Variants in MAP3K1 observed in about 807,000 individuals in gnomAD.
MAP3K1 encodes MAP/ERK kinase kinase 1.
A neutral mutation model predicts 144.2 loss-of-function variants in MAP3K1; 36 were observed. That is an observed-to-expected ratio of 0.25 (90% CI 0.19 to 0.33). The LOEUF (loss-of-function observed/expected upper bound fraction) is 0.33, where lower values mean the gene tolerates loss of function less well. Ranked by LOEUF, MAP3K1 falls within the 10% of genes least tolerant of loss-of-function variation. The pLI, the probability that MAP3K1 is intolerant of heterozygous loss-of-function variation, is 1.00. For missense variants in MAP3K1, 1,650 were observed against 1,881.9 expected, an observed-to-expected ratio of 0.88 and a Z score of 2.28; for synonymous variants, 718 against 688.7, an observed-to-expected ratio of 1.04 and a Z score of -0.67.
rs555821789 is a variant in MAP3K1, at chr5:56,862,437, A to G, written c.835-2297A>G. Among the ~76,000 whole-genome samples the G allele has an allele frequency of 4.6e-5, 7 of 152,326 alleles. No homozygotes were observed. The South Asian group carries it at 1.5e-3, about 32-fold the overall frequency. ...ATGGTTCATGGGGGCCATCAAAATG[A>G]AAGTTTACAACAAGTATAAACAGAA... On this transcript the variant is annotated intron_variant, in intron 3 of 19. Coordinates refer to ENST00000399503, the MANE Select transcript of MAP3K1 (RefSeq NM_005921.2).
intron 1 of MAP3K1, among the ~76,000 whole-genome samples, chr5:56,833,942 G>A (rs544049263): frequency 7.2e-5 from 11 of 152,096 alleles, no homozygotes; most frequent in Admixed American, 2.0e-4. Context: ...TGTTCAGCAG[G>A]CACCTTCTTT....
chr5:56,832,299 A>G (rs761648035), intron 1 of MAP3K1, among the ~76,000 whole-genome samples: 10 of 152,190 alleles, frequency 6.6e-5, no homozygotes, highest in Admixed American at 2.6e-4. Context: ...AGTGGCAAGC[A>G]AAGGGGGTTC....
In MAP3K1 at chr5:56,884,690, T is replaced by C. The variant is rs375842337; in HGVS notation, c.3846T>C (p.Ser1282=). 1.8e-5 allele frequency: 29 copies of C among 1,613,734 alleles called. No individual in the cohort carries two copies. The highest frequency in any genetic ancestry group is 2.4e-5 in the Non-Finnish European group (28 of 1,179,900). Residue 1282 remains serine (S), a synonymous_variant, in exon 16 of 20, where the codon TCT becomes TCC. Transcript: ENST00000399503. ...KQVTYVRNTS[S]EQEEVVEALR... ...TGACTTATGTCAGAAACACATCTTCTGAGCAAGAAGAAGTAGTAGAAGCAC... is the reference window on the plus strand; with the variant it reads ...TGACTTATGTCAGAAACACATCTTCCGAGCAAGAAGAAGTAGTAGAAGCAC...
In MAP3K1 at chr5:56,863,065, A is replaced by G. The variant is rs113330706; in HGVS notation, c.835-1669A>G. ...CCAATCACAAACAGCCAGCCAGCCT[A>G]TTTGTTATATAACTAGGGACTTTGC... On this transcript the variant is annotated intron_variant, in intron 3 of 19. Transcript: ENST00000399503. Among the ~76,000 whole-genome samples, 882 of 152,314 alleles carry G rather than the reference A, an allele frequency of 5.8e-3. 6 individuals are homozygous for G. The highest frequency in any genetic ancestry group is 0.011 in the Non-Finnish European group (728 of 68,010).
Position 56,859,422 on chromosome 5 carries a change from T to C in MAP3K1, c.634-293T>C, listed in dbSNP as rs189578419. ...CTTTTGAGTGTTAAATGAGTTAGGG[T>C]ATATAATAACAAATAATACCATTTC... On this transcript the variant is annotated intron_variant, in intron 2 of 19. Transcript: ENST00000399503. 4.6e-4 allele frequency among the ~76,000 whole-genome samples: 70 copies of C among 152,274 alleles called. 1 individual carries two copies. In the South Asian group the frequency reaches 7.7e-3, roughly 17 times the overall value.
At chr5:56,840,139 G>T (rs762030440) in intron 1 of MAP3K1, among the ~76,000 whole-genome samples, 7 of 151,980 alleles carry the variant, frequency 4.6e-5, no homozygotes, top group African/African-American at 1.7e-4. Flanking sequence ...TAAGCGTTTT[G>T]TTTGTTTGTT....
chr5:56,858,848 G>C (rs761302031), intron 2 of MAP3K1, among the ~76,000 whole-genome samples: 2 of 152,052 alleles, frequency 1.3e-5, no homozygotes, highest in Admixed American at 6.6e-5. Context: ...AAGGTGTACT[G>C]CCTGGGGTGC....
At chr5:56,846,657 C>T (rs1010344098) in intron 1 of MAP3K1, among the ~76,000 whole-genome samples, 1 of 152,116 alleles carries the variant, frequency 6.6e-6, no homozygotes, top group African/African-American at 2.4e-5. Flanking sequence ...TCTCCATGTC[C>T]CCCTCTCCGA....
chr5:56,828,147 G>T (rs1434415278), intron 1 of MAP3K1, among the ~76,000 whole-genome samples: 2 of 152,190 alleles, frequency 1.3e-5, no homozygotes, highest in African/African-American at 4.8e-5. Flanking sequence ...GGTTAGCAAA[G>T]GCGGTTTGTG....
intron 1 of MAP3K1, among the ~76,000 whole-genome samples, chr5:56,821,002 G>A (rs1381107118): frequency 2.6e-5 from 4 of 152,166 alleles, no homozygotes; most frequent in Admixed American, 1.3e-4. Flanking sequence ...AAGGAGATAC[G>A]GGGAGCAAGA....
At chr5:56,884,864 G>A (rs1451716257) in intron 16 of MAP3K1, 38 bp downstream of exon 16, 4 of 1,578,088 alleles carry the variant, frequency 2.5e-6, no homozygotes, top group African/African-American at 1.4e-5. Context: ...AGTAGTACGT[G>A]GATTTAACTT....
chr5:56,832,403 T>C (rs1019033312), intron 1 of MAP3K1, among the ~76,000 whole-genome samples: 1 of 152,216 alleles, frequency 6.6e-6, no homozygotes, highest in African/African-American at 2.4e-5. Context: ...CTACTGTACT[T>C]ATCTGAAATG....
At position 56,873,586 on chromosome 5, in the gene MAP3K1, G is replaced by T. The variant is rs372313804; in HGVS notation, c.1686+581G>T. 6.6e-5 allele frequency among the ~76,000 whole-genome samples: 10 copies of T among 152,152 alleles called. No individual in the cohort carries two copies. The South Asian group carries it at 2.1e-3, about 32-fold the overall frequency. Reference sequence around the variant, plus strand: ...GCTTTTTTGTCAGTTGGTTTGTAATGATTTTCTTGGTTGTTGAATGCTCAG... The same window carrying T: ...GCTTTTTTGTCAGTTGGTTTGTAATTATTTTCTTGGTTGTTGAATGCTCAG... On this transcript the variant is annotated intron_variant, in intron 9 of 19. Transcript: ENST00000399503.
chr5:56,869,239 A>G (rs1178858439), intron 6 of MAP3K1, among the ~76,000 whole-genome samples: 1 of 152,122 alleles, frequency 6.6e-6, no homozygotes, highest in Admixed American at 6.6e-5. Context: ...CCGCTGTACT[A>G]CAGTCTGGGT....
rs1363511298 is a variant in MAP3K1, at chr5:56,894,566, A to C, written c.*886A>C. 4.3e-6 allele frequency: 1 copy of C among 232,614 alleles called. No homozygotes were observed. The highest frequency in any genetic ancestry group is 8.5e-6 in the Non-Finnish European group (1 of 117,658). 14.4% of individuals were successfully genotyped at this position (232,614 alleles called of 1,614,324 possible). A position where few individuals can be genotyped will look rare whatever the true frequency, so the allele number is the denominator to read the frequency against. On this transcript the variant is annotated 3_prime_UTR_variant, in exon 20 of 20. Coordinates refer to ENST00000399503, the MANE Select transcript of MAP3K1 (RefSeq NM_005921.2). ...AAAATAAACTGTCCTCTCTGGTGCA[A>C]CTCACAACCAAGATCAAGATTACCT... is the stretch of plus-strand genomic sequence containing the variant.
At chr5:56,848,685 G>T (rs1021068329) in intron 1 of MAP3K1, among the ~76,000 whole-genome samples, 1 of 152,042 alleles carries the variant, frequency 6.6e-6, no homozygotes, top group Non-Finnish European at 1.5e-5. Flanking sequence ...TCCTGTAATT[G>T]TGCTGGAGAA....
At position 56,866,439 on chromosome 5, in the gene MAP3K1, A is replaced by C. The variant is rs537504716; in HGVS notation, c.1301+462A>C. Among the ~76,000 whole-genome samples, 29 of 148,956 alleles carry C rather than the reference A, an allele frequency of 1.9e-4. No homozygotes were observed. In the South Asian group the frequency reaches 4.8e-3, roughly 25 times the overall value. The stretch of plus-strand genomic sequence containing the variant: ...GGTGTGTGTATGTATGTATGTCTGT[A>C]TGTATGTATGTATGTTAAAGGTCAT... On this transcript the variant is annotated intron_variant, in intron 6 of 19. Coordinates refer to ENST00000399503, the MANE Select transcript of MAP3K1 (RefSeq NM_005921.2).
intron 1 of MAP3K1, among the ~76,000 whole-genome samples, chr5:56,841,486 A>G (rs1482527311): frequency 6.6e-6 from 1 of 152,218 alleles, no homozygotes; most frequent in Non-Finnish European, 1.5e-5. Context: ...TACCACGTAG[A>G]TGGTGATGAT....
rs547995198 is a variant in MAP3K1 at position 56,895,913 on chromosome 5, C to T, written c.*2233C>T. Reference sequence around the variant, plus strand: ...TTATATTTGCTGTGTGACTATGATTCCTAAGATTTCCAGGGCTTAAGGGCT... The same window carrying T: ...TTATATTTGCTGTGTGACTATGATTTCTAAGATTTCCAGGGCTTAAGGGCT... On this transcript the variant is annotated 3_prime_UTR_variant, in exon 20 of 20. Transcript: ENST00000399503. 4.8e-5 allele frequency: 11 copies of T among 227,824 alleles called. No individual in the cohort carries two copies. The East Asian group carries it at 6.9e-4, about 14-fold the overall frequency. The allele number at this position is 227,824 out of a possible 1,614,324, so 14.1% of individuals were successfully genotyped here. A position where few individuals can be genotyped will look rare whatever the true frequency, so the allele number is the denominator to read the frequency against.
Sources: gnomAD v4.1 joint callset for allele counts (sites outside exome capture counted in the v4.1 genomes callset) on GRCh38, gnomAD v4.1.1 for gene constraint, MANE v1.5 for transcripts, NCBI Gene and HGNC (gene_info 2026-07-23, HGNC 2026-07-21) for gene names.